Variants in PLEKHA5 observed in about 807,000 individuals in gnomAD.
The protein encoded by PLEKHA5 is pleckstrin homology domain containing A5, also known as pleckstrin homology domain-containing family A member 5.
A neutral mutation model predicts 181.9 loss-of-function variants in PLEKHA5; 55 were observed. The observed-to-expected ratio is 0.30, with a 90% CI of 0.24 to 0.38. PLEKHA5 has a LOEUF of 0.38. PLEKHA5 is among the 10% of genes least tolerant of loss of function. PLEKHA5 has a pLI of 1.00. For synonymous variants in PLEKHA5, 535 were observed against 529.4 expected (o/e 1.01, Z -0.15); for missense variants, 1,432 against 1,549.5 (o/e 0.92, Z 1.27).
chr12:19,223,478 T>A (rs534724574), intron 3 of PLEKHA5, among the ~76,000 whole-genome samples: 1 of 152,178 alleles, frequency 6.6e-6, no homozygotes, highest in Non-Finnish European at 1.5e-5. Context: ...GGACTTTCAA[T>A]CCACAGCCAT....
At chr12:19,230,272 C>T (rs1279143480) in intron 3 of PLEKHA5, among the ~76,000 whole-genome samples, 1 of 152,352 alleles carries the variant, frequency 6.6e-6, no homozygotes, top group African/African-American at 2.4e-5. Context: ...CAAGTCCCCA[C>T]TAGACTCAGG....
At chr12:19,321,396 C>T (rs1376431678) in intron 18 of PLEKHA5, among the ~76,000 whole-genome samples, 1 of 109,452 alleles carries the variant, frequency 9.1e-6, no homozygotes, top group East Asian at 2.8e-4. Context: ...CAGGGTCTCT[C>T]TCTGTCACCC....
intron 16 of PLEKHA5, among the ~76,000 whole-genome samples, chr12:19,316,138 T>G (rs1466435957): frequency 6.6e-6 from 1 of 152,030 alleles, no homozygotes; most frequent in African/African-American, 2.4e-5. Context: ...AACTGATACC[T>G]TCTGCAGTGT....
At chr12:19,184,289 C>G (rs932419872) in intron 3 of PLEKHA5, among the ~76,000 whole-genome samples, 1 of 152,132 alleles carries the variant, frequency 6.6e-6, no homozygotes, top group Non-Finnish European at 1.5e-5. Flanking sequence ...AAGCCATAGT[C>G]TATTTGAATA....
At chr12:19,360,766 T>TTA (rs1257845766) in intron 28 of PLEKHA5, among the ~76,000 whole-genome samples, 2 of 16,762 alleles carry the variant, frequency 1.2e-4, no homozygotes, top group Non-Finnish European at 4.2e-3. Flanking sequence ...GCACCATCTC[T>TTA]TTTTTTTGAG....
chr12:19,228,756 A>C (rs1278256278), intron 3 of PLEKHA5, among the ~76,000 whole-genome samples: 1 of 152,124 alleles, frequency 6.6e-6, no homozygotes, highest in Non-Finnish European at 1.5e-5. Context: ...CCACACCTAG[A>C]CATTCTCTTT....
At chr12:19,190,053 T>G (rs1169946223) in intron 3 of PLEKHA5, among the ~76,000 whole-genome samples, 1 of 152,240 alleles carries the variant, frequency 6.6e-6, no homozygotes, top group East Asian at 1.9e-4. Context: ...CCTCCTTGTG[T>G]CGTATATTTT....
In PLEKHA5 at chr12:19,358,326, A is replaced by G. The variant is rs2095058957; in HGVS notation, c.3237A>G (p.Gln1079=). The G allele has an allele frequency of 6.2e-7, 1 of 1,613,746 alleles. No individual in the cohort carries two copies. The highest frequency in any genetic ancestry group is 1.3e-5 in the African/African-American group (1 of 74,928). ...EEQMERIRRH[Q]QACLREKKKG... The stretch of plus-strand genomic sequence containing the variant: ...AAATGGAAAGAATAAGAAGACATCA[A>G]CAAGCGTGCCTGAGGGAGAAGAAAA... Residue 1079 remains glutamine (Q), a synonymous_variant, in exon 27 of 32, where the codon CAA becomes CAG. Transcript: ENST00000429027.
At chr12:19,207,849 A>G (rs181632949) in intron 3 of PLEKHA5, 2 of 152,314 alleles carry the variant, frequency 1.3e-5, no homozygotes, top group East Asian at 3.9e-4. Context: ...CTATTTTGTA[A>G]TCTTAGAATT....
At chr12:19,353,670 G>A (rs2094737106) in intron 25 of PLEKHA5, among the ~76,000 whole-genome samples, 1 of 151,902 alleles carries the variant, frequency 6.6e-6, no homozygotes, top group African/African-American at 2.4e-5. Flanking sequence ...TGTTGGTCAG[G>A]CTGGTCTCAA....
At chr12:19,170,532 A>T (rs1591909206) in intron 3 of PLEKHA5, among the ~76,000 whole-genome samples, 1 of 151,294 alleles carries the variant, frequency 6.6e-6, no homozygotes, top group African/African-American at 2.4e-5. Context: ...TTTAAGCAAT[A>T]CTCCTGCCTC....
Position 19,358,248 on chromosome 12 carries a change from G to C in PLEKHA5, c.3159G>C (p.Val1053=). 6.2e-7 allele frequency: 1 copy of C among 1,613,350 alleles called. No individual in the cohort carries two copies. Among genetic ancestry groups the C allele is most frequent in the South Asian group, 1.1e-5 (1 of 91,050 alleles). Residue 1053 remains valine, a synonymous_variant, in exon 27 of 32, where the codon GTG becomes GTC. Coordinates refer to ENST00000429027, the MANE Select transcript of PLEKHA5 (RefSeq NM_001256470.2). The part of the protein sequence containing the change: ...DLRTERPRSA[V]EQLCLAESTR... ...TGAAGGAAAGACCAAGAAGTGCAGT[G>C]GAACAGCTCTGTTTGGCTGAAAGTA...
At chr12:19,253,063 CCT>C (rs1491438671) in intron 3 of PLEKHA5, among the ~76,000 whole-genome samples, 5 of 51,992 alleles carry the variant, frequency 9.6e-5, no homozygotes, top group Admixed American at 2.1e-4. Flanking sequence ...AATCAACTTA[CCT>C]TTTTTTTTTT....
chr12:19,181,373 G>A (rs575785715), intron 3 of PLEKHA5, among the ~76,000 whole-genome samples: 317 of 152,296 alleles, frequency 2.1e-3, no homozygotes, highest in South Asian at 1.9e-3. Context: ...TAATTGTATA[G>A]CATTGAAATA....
At chr12:19,301,191 A>C (rs1292323302) in intron 15 of PLEKHA5, among the ~76,000 whole-genome samples, 1 of 152,186 alleles carries the variant, frequency 6.6e-6, no homozygotes, top group African/African-American at 2.4e-5. Flanking sequence ...GAATAGATTT[A>C]TCCATGGCAA....
chr12:19,302,101 T>G (rs976042222), intron 15 of PLEKHA5, among the ~76,000 whole-genome samples: 2 of 152,214 alleles, frequency 1.3e-5, no homozygotes, highest in Non-Finnish European at 2.9e-5. Context: ...AAATGGAGTA[T>G]TCTGTGATTA....
intron 3 of PLEKHA5, among the ~76,000 whole-genome samples, chr12:19,148,698 A>G (rs2039575323): frequency 6.6e-6 from 1 of 152,262 alleles, no homozygotes; most frequent in Admixed American, 6.5e-5. Flanking sequence ...AGAAGGTGGA[A>G]GACTTCAAAA....
intron 20 of PLEKHA5, among the ~76,000 whole-genome samples, chr12:19,324,743 A>G (rs2091707564): frequency 6.6e-6 from 1 of 152,218 alleles, no homozygotes; most frequent in Non-Finnish European, 1.5e-5. Context: ...CATAGGAGAC[A>G]TGTTTGGAAA....
chr12:19,328,545 A>T (rs2092493705), intron 20 of PLEKHA5, among the ~76,000 whole-genome samples: 1 of 144,852 alleles, frequency 6.9e-6, no homozygotes, highest in Admixed American at 7.3e-5. Context: ...CCTTGGTTAG[A>T]TGCTTTCCTA....
Sources: allele counts gnomAD v4.1 joint callset (sites outside exome capture counted in the v4.1 genomes callset), GRCh38; gene constraint gnomAD v4.1.1; transcripts MANE v1.5; gene names NCBI Gene and HGNC (gene_info 2026-07-23, HGNC 2026-07-21).